The following TMIGD3 variants were observed in gnomAD, a reference collection of about 807,000 sequenced individuals.
TMIGD3 encodes the protein transmembrane and immunoglobulin domain containing 3.
In TMIGD3, 21 loss-of-function variants were observed where a neutral mutation model predicts 28.1. That is an observed-to-expected ratio of 0.75 (90% CI 0.53 to 1.08). The LOEUF (loss-of-function observed/expected upper bound fraction) is 1.08. Ranked by LOEUF, TMIGD3 falls within the 50% of genes least tolerant of loss-of-function variation. The pLI is 0.00. For synonymous variants in TMIGD3, 151 were observed against 162.1 expected (o/e 0.93, Z 0.52); for missense variants, 416 against 435.6 (o/e 0.96, Z 0.40).
At chr1:111,552,220 A>C (rs1313621502) in intron 1 of TMIGD3, among the ~76,000 whole-genome samples, 1 of 152,214 alleles carries the variant, frequency 6.6e-6, no homozygotes, top group Non-Finnish European at 1.5e-5. Context: ...CAATCAACCA[A>C]GGACAAATAT....
chr1:111,538,515 T>C (rs1461563053), intron 1 of TMIGD3, among the ~76,000 whole-genome samples: 1 of 152,202 alleles, frequency 6.6e-6, no homozygotes, highest in Non-Finnish European at 1.5e-5. Flanking sequence ...CATCTGGCCC[T>C]TCATGGGGGG....
At chr1:111,486,444 G>A in intron 4 of TMIGD3, 142 bp downstream of exon 4, 2 of 640,608 alleles carry the variant, frequency 3.1e-6, no homozygotes, top group Non-Finnish European at 5.6e-6. Flanking sequence ...TCAGATTAAG[G>A]ATACATAGTT....
intron 1 of TMIGD3, among the ~76,000 whole-genome samples, chr1:111,552,619 C>A (rs972870686): frequency 6.6e-6 from 1 of 152,082 alleles, no homozygotes. Flanking sequence ...TAAAAGTCAC[C>A]TTTATCTATT....
upstream of TMIGD3, among the ~76,000 whole-genome samples, chr1:111,508,327 C>A (rs991217921): frequency 6.6e-6 from 1 of 152,228 alleles, no homozygotes; most frequent in South Asian, 2.1e-4. Context: ...GTAGCGTCAG[C>A]TTCAAGTGTC....
At chr1:111,522,595 C>A (rs12117725) in intron 1 of TMIGD3, among the ~76,000 whole-genome samples, 39,192 of 150,908 alleles carry the variant, frequency 0.26, 6,387 homozygotes, top group Non-Finnish European at 0.37. Flanking sequence ...CAGCTCACTG[C>A]AACCTCCACC....
chr1:111,502,362 TAC>T (rs1655268289), intron 1 of TMIGD3, among the ~76,000 whole-genome samples: 1 of 138,934 alleles, frequency 7.2e-6, no homozygotes, highest in African/African-American at 2.7e-5. Context: ...ATATATAGGA[TAC>T]ATATATTTAT....
chr1:111,537,963 T>A (rs1394334445), intron 1 of TMIGD3, among the ~76,000 whole-genome samples: 1 of 152,176 alleles, frequency 6.6e-6, no homozygotes, highest in Non-Finnish European at 1.5e-5. Flanking sequence ...ATGGCCCTCA[T>A]GCTATTTTTT....
At chr1:111,499,003 A>G (rs1655018639) in intron 1 of TMIGD3, among the ~76,000 whole-genome samples, 1 of 151,070 alleles carries the variant, frequency 6.6e-6, no homozygotes, top group Non-Finnish European at 1.5e-5. Context: ...AGGTGGGAGG[A>G]TCCCTTGAGC....
upstream of TMIGD3, chr1:111,503,891 GA>G: frequency 1.0e-6 from 1 of 992,524 alleles, no homozygotes; most frequent in Non-Finnish European, 1.2e-6. Flanking sequence ...TCAGGGACCA[GA>G]GGACAGTGCA....
intron 1 of TMIGD3, among the ~76,000 whole-genome samples, chr1:111,514,410 C>A (rs529710990): frequency 1.3e-5 from 2 of 152,082 alleles, no homozygotes; most frequent in African/African-American, 4.8e-5. Context: ...ATTAGTTGGG[C>A]GTGGTGTAAA....
rs1557824066 is a variant in TMIGD3 at position 111,502,138 on chromosome 1, ATATAATAAATATATAGGATATATATTTAT to A, written c.350+838_350+866del. On this transcript the variant is annotated intron_variant, in intron 1 of 5. Coordinates refer to ENST00000369716, the MANE Select transcript of TMIGD3 (RefSeq NM_020683.7). Reference sequence around the variant, plus strand: ...AATAAATATATAGGATATATATTTAATATAATAAATATATAGGATATATATTTATTATAATAAATATATAGGATATATAT... The same window carrying A: ...AATAAATATATAGGATATATATTTAATATAATAAATATATAGGATATATAT... 3.7e-3 allele frequency among the ~76,000 whole-genome samples: 110 copies of A among 29,402 alleles called. 3 individuals are homozygous for A. The highest frequency in any genetic ancestry group is 0.011 in the African/African-American group (108 of 9,900). The allele number at this position is 29,402 out of a possible 152,430, so 19.3% of individuals were successfully genotyped here.
chr1:111,547,584 A>T (rs773457409), intron 1 of TMIGD3, among the ~76,000 whole-genome samples: 1 of 152,144 alleles, frequency 6.6e-6, no homozygotes, highest in Non-Finnish European at 1.5e-5. Flanking sequence ...TCCCTAGAGA[A>T]CTGAGGGTCC....
chr1:111,523,298 G>C (rs1394407487), intron 1 of TMIGD3, among the ~76,000 whole-genome samples: 3 of 152,174 alleles, frequency 2.0e-5, no homozygotes, highest in Non-Finnish European at 4.4e-5. Context: ...TTTGCATAGT[G>C]AATAGACCTC....
intron 1 of TMIGD3, among the ~76,000 whole-genome samples, chr1:111,551,013 G>T (rs1259691128): frequency 6.6e-6 from 1 of 151,974 alleles, no homozygotes; most frequent in Non-Finnish European, 1.5e-5. Flanking sequence ...TTTTTGTCTT[G>T]AAGTCTGACA....
intron 2 of TMIGD3, chr1:111,489,451 T>C: frequency 3.1e-6 from 2 of 646,170 alleles, no homozygotes; most frequent in Non-Finnish European, 4.0e-6. Flanking sequence ...GCCAAATGCC[T>C]CGATCTTGAA....
At chr1:111,514,017 T>G (rs779944113) in intron 1 of TMIGD3, among the ~76,000 whole-genome samples, 24 of 152,198 alleles carry the variant, frequency 1.6e-4, no homozygotes, top group Non-Finnish European at 3.4e-4. Context: ...AACAGAAAAC[T>G]GCACATAGGC....
intron 1 of TMIGD3, among the ~76,000 whole-genome samples, chr1:111,493,639 A>G (rs893783402): frequency 6.6e-6 from 1 of 152,222 alleles, no homozygotes; most frequent in African/African-American, 2.4e-5. Flanking sequence ...GAAGTTTTCC[A>G]TAAGAAAAAG....
chr1:111,533,807 G>A (rs761511690), intron 1 of TMIGD3, among the ~76,000 whole-genome samples: 3 of 152,088 alleles, frequency 2.0e-5, no homozygotes, highest in African/African-American at 4.8e-5. Context: ...CACCCACCTC[G>A]GCCCCTAAAG....
In TMIGD3 at chr1:111,490,750, A is replaced by G. The variant is rs1557817050; in HGVS notation, c.363T>C (p.Pro121=). The G allele has an allele frequency of 1.2e-6, 2 of 1,613,422 alleles. No homozygotes were observed. The highest frequency in any genetic ancestry group is 1.7e-5 in the Admixed American group (1 of 60,022). Residue 121 remains proline (P), a synonymous_variant, in exon 2 of 6, where the codon CCT becomes CCC. Transcript: ENST00000369716. Reference sequence around the variant, plus strand: ...ATGATAGAATGCACCCAGGGAGCCCAGGAATTCTGAATCTGTTTAAGGGAA... The same window carrying G: ...ATGATAGAATGCACCCAGGGAGCCCGGGAATTCTGAATCTGTTTAAGGGAA... ...RVKLTVRFRI[P]GLPGCILSFQ...
Sources: gnomAD v4.1 joint callset for allele counts (sites outside exome capture counted in the v4.1 genomes callset) on GRCh38, gnomAD v4.1.1 for gene constraint, MANE v1.5 for transcripts, NCBI Gene and HGNC (gene_info 2026-07-23, HGNC 2026-07-21) for gene names.